SEC23A: variants seen among roughly 807,000 people sequenced by gnomAD.
SEC23A encodes protein transport protein Sec23A.
In SEC23A, 56 loss-of-function variants were observed where a neutral mutation model predicts 103.7. That is an observed-to-expected ratio of 0.54 (90% CI 0.44 to 0.67). The LOEUF is 0.67. Ranked by LOEUF, SEC23A falls within the 30% of genes least tolerant of loss-of-function variation. SEC23A has a pLI of 0.00. For synonymous variants in SEC23A, 281 were observed against 293.0 expected (o/e 0.96, Z 0.42); for missense variants, 784 against 936.4 (o/e 0.84, Z 2.12).
chr14:39,057,305 C>CAAA (rs113439177), intron 13 of SEC23A, among the ~76,000 whole-genome samples: 54 of 144,202 alleles, frequency 3.7e-4, no homozygotes, highest in African/African-American at 7.9e-4. Flanking sequence ...GACTTTGTCT[C>CAAA]AAAAAAAAAA....
chr14:39,055,098 A>T, intron 14 of SEC23A, 45 bp downstream of exon 14: 27 of 1,610,368 alleles, frequency 1.7e-5, no homozygotes, highest in Non-Finnish European at 2.3e-5. Flanking sequence ...ATTTACTACA[A>T]ATGAAAGCAT....
chr14:39,064,704 T>C, intron 11 of SEC23A: 1 of 555,998 alleles, frequency 1.8e-6, no homozygotes, highest in South Asian at 2.1e-5. Context: ...CAAGTTTTTA[T>C]TGGTGCTGTC....
intron 19 of SEC23A, among the ~76,000 whole-genome samples, chr14:39,037,350 C>G (rs1885495512): frequency 6.6e-6 from 1 of 152,022 alleles, no homozygotes; most frequent in Non-Finnish European, 1.5e-5. Flanking sequence ...CATATGTTTT[C>G]CTAGTCACTC....
chr14:39,051,570 T>C (rs965236515), intron 14 of SEC23A, among the ~76,000 whole-genome samples: 1 of 152,156 alleles, frequency 6.6e-6, no homozygotes, highest in African/African-American at 2.4e-5. Context: ...AATTGAGGTG[T>C]GAGACAAAGT....
chr14:39,061,742 A>C (rs1886487178), intron 13 of SEC23A, 23 bp downstream of exon 13: 1 of 1,539,328 alleles, frequency 6.5e-7, no homozygotes, highest in African/African-American at 1.4e-5. Flanking sequence ...ATGAAAATCA[A>C]ATCTCTAACA....
At chr14:39,100,234 A>G (rs183906002) in intron 1 of SEC23A, among the ~76,000 whole-genome samples, 2 of 152,072 alleles carry the variant, frequency 1.3e-5, no homozygotes, top group East Asian at 3.9e-4. Context: ...AGAAAATCCC[A>G]CCTGTTTCTC....
At chr14:39,069,940 T>C (rs1886789631) in intron 9 of SEC23A, among the ~76,000 whole-genome samples, 1 of 152,238 alleles carries the variant, frequency 6.6e-6, no homozygotes, top group Non-Finnish European at 1.5e-5. Context: ...TGAACTTTTT[T>C]CTTCCCAATG....
chr14:39,052,920 G>C (rs998678597), intron 14 of SEC23A, among the ~76,000 whole-genome samples: 1 of 152,192 alleles, frequency 6.6e-6, no homozygotes, highest in African/African-American at 2.4e-5. Context: ...TGGACCACCT[G>C]AGGTCAGGAG....
intron 7 of SEC23A, among the ~76,000 whole-genome samples, chr14:39,080,630 T>C (rs1887193610): frequency 6.6e-6 from 1 of 152,132 alleles, no homozygotes; most frequent in Non-Finnish European, 1.5e-5. Context: ...GGTCTCGAAC[T>C]CCTGACTTCA....
At chr14:39,040,575 A>C (rs1431065657) in intron 18 of SEC23A, 157 bp downstream of exon 18, 10 of 876,746 alleles carry the variant, frequency 1.1e-5, no homozygotes, top group South Asian at 3.0e-5. Context: ...TGCTCTCAAA[A>C]GCTAATGCAA....
intron 10 of SEC23A, among the ~76,000 whole-genome samples, chr14:39,065,963 A>T (rs1476561365): frequency 1.5e-5 from 2 of 131,132 alleles, no homozygotes; most frequent in Non-Finnish European, 3.1e-5. Context: ...ATGACATTGC[A>T]CTCCAGCCGG....
At chr14:39,045,372 A>T in intron 15 of SEC23A, 48 bp from the exon 16 acceptor site, 2 of 1,427,550 alleles carry the variant, frequency 1.4e-6, no homozygotes, top group Middle Eastern at 1.9e-4. Context: ...TAATATTAAA[A>T]CAGGTGTTTA....
chr14:39,076,617 C>A (rs1594468583), intron 7 of SEC23A, among the ~76,000 whole-genome samples: 1 of 150,808 alleles, frequency 6.6e-6, no homozygotes, highest in African/African-American at 2.4e-5. Flanking sequence ...GTTTAGAACA[C>A]AAGTATCATA....
chr14:39,090,390 G>A (rs1358861565), intron 5 of SEC23A, among the ~76,000 whole-genome samples: 3 of 151,742 alleles, frequency 2.0e-5, no homozygotes, highest in Admixed American at 1.3e-4. Context: ...CTCTCTTATG[G>A]ACTATCAAAA....
Position 39,085,338 on chromosome 14 carries a change from T to C in SEC23A, c.828+424A>G, listed in dbSNP as rs537131403. On this transcript the variant is annotated intron_variant, in intron 7 of 19. Transcript: ENST00000307712. ...TATCTTTATCATAAACCGAGAAACA[T>C]AAAGTGTTTCCTAGAGTTCTGTGAG... 5.5e-4 allele frequency among the ~76,000 whole-genome samples: 84 copies of C among 152,274 alleles called. 1 individual carries two copies. In the Middle Eastern group the frequency reaches 0.02, roughly 37 times the overall value.
chr14:39,051,734 A>C (rs1378548950), intron 14 of SEC23A, among the ~76,000 whole-genome samples: 3 of 152,110 alleles, frequency 2.0e-5, no homozygotes, highest in Admixed American at 2.0e-4. Context: ...AGGCCAAGGC[A>C]GGCAGATCAC....
At chr14:39,046,524 TC>T (rs1436025723) in intron 15 of SEC23A, among the ~76,000 whole-genome samples, 2 of 151,898 alleles carry the variant, frequency 1.3e-5, no homozygotes, top group African/African-American at 2.4e-5. Context: ...AATTACCCAG[TC>T]CCGGGTATGT....
At chr14:39,038,969 C>A (rs1656212196) in intron 19 of SEC23A, 62 bp downstream of exon 19, 1 of 1,416,206 alleles carries the variant, frequency 7.1e-7, no homozygotes, top group African/African-American at 1.4e-5. Context: ...GTAGCTTTCA[C>A]TAAAATAATA....
At chr14:39,049,583 C>A (rs1885972380) in intron 14 of SEC23A, among the ~76,000 whole-genome samples, 3 of 151,740 alleles carry the variant, frequency 2.0e-5, no homozygotes, top group Admixed American at 6.6e-5. Flanking sequence ...TTGAGACCAG[C>A]TTGGGCAACA....
Sources: allele counts gnomAD v4.1 joint callset (sites outside exome capture counted in the v4.1 genomes callset), GRCh38; gene constraint gnomAD v4.1.1; transcripts MANE v1.5; gene names NCBI Gene and HGNC (gene_info 2026-07-23, HGNC 2026-07-21).